GPR176: variants seen among roughly 807,000 people sequenced by gnomAD.
GPR176 encodes G protein-coupled receptor 176, also known as G-protein coupled receptor 176.
Under a neutral mutation model 35.4 loss-of-function variants are expected in GPR176, and 26 were observed. That is an observed-to-expected ratio of 0.74 (90% CI 0.54 to 1.02). The LOEUF (loss-of-function observed/expected upper bound fraction) is 1.02. Ranked by LOEUF, GPR176 falls within the 50% of genes least tolerant of loss-of-function variation. GPR176 has a pLI of 0.00. For missense variants in GPR176, 597 were observed against 665.3 expected (o/e 0.90, Z 1.13); for synonymous variants, 278 against 271.3 (o/e 1.02, Z -0.24).
Position 39,850,982 on chromosome 15 carries a change from C to T in GPR176, c.173-43724G>A, listed in dbSNP as rs182378687. ...AAGTTGAAAAAAGAAGAAGTAGATA[C>T]GGGACATATAGTGAGGCAGAATCAA... On this transcript the variant is annotated intron_variant, in intron 1 of 2. Coordinates refer to ENST00000561100, the MANE Select transcript of GPR176 (RefSeq NM_007223.3). Among the ~76,000 whole-genome samples the T allele has an allele frequency of 3.3e-5, 5 of 152,066 alleles. No individual in the cohort carries two copies. In the East Asian group the frequency reaches 7.7e-4, roughly 24 times the overall value.
intron 2 of GPR176, among the ~76,000 whole-genome samples, chr15:39,803,016 A>G (rs540376790): frequency 1.1e-4 from 17 of 152,296 alleles, no homozygotes; most frequent in African/African-American, 4.1e-4. Flanking sequence ...TTCTGTAAGC[A>G]CCTAAACAGA....
chr15:39,908,670 G>C (rs1193272007), intron 1 of GPR176, among the ~76,000 whole-genome samples: 2 of 151,230 alleles, frequency 1.3e-5, no homozygotes, highest in Non-Finnish European at 2.9e-5. Context: ...CCTACTCCCT[G>C]TGTCTATATC....
intron 1 of GPR176, among the ~76,000 whole-genome samples, chr15:39,902,267 A>G (rs1460324401): frequency 6.6e-6 from 1 of 152,310 alleles, no homozygotes; most frequent in East Asian, 1.9e-4. Flanking sequence ...TCAACCCACC[A>G]TTCAGCAGCA....
In GPR176 at chr15:39,872,386, A is replaced by G. The variant is rs545565214; in HGVS notation, c.172+47469T>C. On this transcript the variant is annotated intron_variant, in intron 1 of 2. Transcript: ENST00000561100. ...GTATGAGAAGGAGGAGTACAGGCTG[A>G]CAACTGGATACAGCAGGACATGAGG... Among the ~76,000 whole-genome samples the G allele has an allele frequency of 2.9e-4, 44 of 152,324 alleles. 1 individual carries two copies. Among genetic ancestry groups the G allele is most frequent in the Middle Eastern group, 3.4e-3 (1 of 294 alleles).
In GPR176 at chr15:39,800,442, G is replaced by C. The variant is rs557152669; in HGVS notation, c.*690C>G. The C allele has an allele frequency of 6.6e-6, 1 of 152,250 alleles. No individual in the cohort carries two copies. Among genetic ancestry groups the C allele is most frequent in the African/African-American group, 2.4e-5 (1 of 41,418 alleles). The allele number at this position is 152,250 out of a possible 1,614,324, so 9.4% of individuals were successfully genotyped here. ...GGGTGCAGGTGTATCTCTCTGAGGC[G>C]TTGGTGATGCCAAGGGAAAATCAGA... On this transcript the variant is annotated 3_prime_UTR_variant, in exon 3 of 3. Transcript: ENST00000561100.
chr15:39,829,869 GGATGGGT>G (rs1291410070), intron 1 of GPR176, among the ~76,000 whole-genome samples: 1 of 152,082 alleles, frequency 6.6e-6, no homozygotes, highest in Non-Finnish European at 1.5e-5. Context: ...GTTCACACAA[GGATGGGT>G]GATATGTGTT....
At chr15:39,882,602 G>C (rs1185298536) in intron 1 of GPR176, among the ~76,000 whole-genome samples, 3 of 152,206 alleles carry the variant, frequency 2.0e-5, no homozygotes. Flanking sequence ...GGAAGAAGGT[G>C]TGACACAAAT....
chr15:39,898,529 G>T lies in GPR176; in HGVS notation c.172+21326C>A, dbSNP rs562158458. Among the ~76,000 whole-genome samples, 4 of 152,316 alleles carry T rather than the reference G, an allele frequency of 2.6e-5. No individual in the cohort carries two copies. The East Asian group carries it at 5.8e-4, about 22-fold the overall frequency. The stretch of plus-strand genomic sequence containing the variant: ...GAGGAGATAGCCAGTGAACAAAGCA[G>T]AGAAGAGCTTTTATGGACAGAGGAA... On this transcript the variant is annotated intron_variant, in intron 1 of 2. Transcript: ENST00000561100.
chr15:39,863,707 C>T (rs1043484033), intron 1 of GPR176, among the ~76,000 whole-genome samples: 10 of 152,168 alleles, frequency 6.6e-5, no homozygotes, highest in Non-Finnish European at 1.3e-4. Flanking sequence ...GTACTCTATA[C>T]AAGTGTACCA....
At chr15:39,809,882 A>C (rs910707124) in intron 1 of GPR176, among the ~76,000 whole-genome samples, 1 of 152,212 alleles carries the variant, frequency 6.6e-6, no homozygotes. Context: ...GCGGTGGCTC[A>C]TGCCTGTAAT....
At chr15:39,813,718 T>C (rs1899721606) in intron 1 of GPR176, 1 of 152,190 alleles carries the variant, frequency 6.6e-6, no homozygotes, top group South Asian at 2.1e-4. Flanking sequence ...ATCATCATTT[T>C]AATAGCTACA....
chr15:39,905,136 C>T (rs2033384091), intron 1 of GPR176, among the ~76,000 whole-genome samples: 1 of 152,258 alleles, frequency 6.6e-6, no homozygotes, highest in African/African-American at 2.4e-5. Flanking sequence ...CAACTTCAGG[C>T]TTCTCCCAGG....
intron 1 of GPR176, among the ~76,000 whole-genome samples, chr15:39,817,820 T>C (rs1900018339): frequency 6.6e-6 from 1 of 152,168 alleles, no homozygotes. Flanking sequence ...GAGCAGGGAG[T>C]ATGACGGCGG....
intron 1 of GPR176, among the ~76,000 whole-genome samples, chr15:39,836,787 T>C (rs1001709421): frequency 2.0e-5 from 3 of 152,148 alleles, no homozygotes; most frequent in Admixed American, 6.6e-5. Flanking sequence ...ACAAAATTAG[T>C]TCTGGAAATG....
At chr15:39,866,915 C>A (rs997569394) in intron 1 of GPR176, among the ~76,000 whole-genome samples, 2 of 151,774 alleles carry the variant, frequency 1.3e-5, no homozygotes, top group East Asian at 3.9e-4. Context: ...GTAGTGGTGC[C>A]CGTGTTCTAA....
At position 39,911,487 on chromosome 15, in the gene GPR176, G is replaced by A. The variant is rs145697678; in HGVS notation, c.172+8368C>T. 5.3e-3 allele frequency among the ~76,000 whole-genome samples: 806 copies of A among 152,256 alleles called. 6 individuals carry two copies. The highest frequency in any genetic ancestry group is 0.018 in the African/African-American group (731 of 41,558). The stretch of plus-strand genomic sequence containing the variant: ...AAATGTGGCCACTGATCAAAATATC[G>A]CTCAAGTCAGTTTGAAGGCATTTCT... On this transcript the variant is annotated intron_variant, in intron 1 of 2. Coordinates refer to ENST00000561100, the MANE Select transcript of GPR176 (RefSeq NM_007223.3).
chr15:39,882,417 T>C (rs2032510695), intron 1 of GPR176, among the ~76,000 whole-genome samples: 1 of 152,206 alleles, frequency 6.6e-6, no homozygotes, highest in Admixed American at 6.6e-5. Flanking sequence ...AGCATATTAG[T>C]GGAACATATT....
At chr15:39,866,233 T>C (rs1239982879) in intron 1 of GPR176, among the ~76,000 whole-genome samples, 2 of 152,116 alleles carry the variant, frequency 1.3e-5, no homozygotes, top group Non-Finnish European at 2.9e-5. Context: ...TGGATATCTA[T>C]AAGGGGTGGG....
chr15:39,813,865 T>A (rs1462597068), intron 1 of GPR176, among the ~76,000 whole-genome samples: 1 of 152,178 alleles, frequency 6.6e-6, no homozygotes, highest in Non-Finnish European at 1.5e-5. Context: ...ATATAATCTT[T>A]GGGAATTGAA....
Sources: allele counts gnomAD v4.1 joint callset (sites outside exome capture counted in the v4.1 genomes callset), GRCh38; gene constraint gnomAD v4.1.1; transcripts MANE v1.5; gene names NCBI Gene and HGNC (gene_info 2026-07-23, HGNC 2026-07-21).